The following USP1 variants were observed in gnomAD, a reference collection of about 807,000 sequenced individuals.
USP1 encodes ubiquitin specific peptidase 1, also known as ubiquitin carboxyl-terminal hydrolase 1.
In USP1, 18 loss-of-function variants were observed where a neutral mutation model predicts 72.2. That is an observed-to-expected ratio of 0.25 (90% confidence interval 0.17 to 0.37). USP1 has a LOEUF of 0.37. Among genes scored for constraint, USP1 ranks in the 10% least tolerant of loss-of-function variants. USP1 has a pLI of 1.00. For synonymous variants in USP1, 354 were observed against 303.7 expected (o/e 1.17, Z -1.72); for missense variants, 759 against 884.9 (o/e 0.86, Z 1.81).
In USP1 at chr1:62,450,602, A is replaced by G; in HGVS notation, c.1979A>G (p.Lys660Arg). ...GNTQPSKVLN[K>R]KNVEAIGLLG... ...ACACAGCCAAGTAAAGTTTTGAACAAAAAAAATGTAGAAGCTATTGGACTT... is the reference window on the plus strand; with the variant it reads ...ACACAGCCAAGTAAAGTTTTGAACAGAAAAAATGTAGAAGCTATTGGACTT... Residue 660 changes from lysine (K) to arginine (R), a missense_variant, in exon 9 of 9, where the codon AAA becomes AGA. Coordinates refer to ENST00000339950, the MANE Select transcript of USP1 (RefSeq NM_003368.5). 6.2e-7 allele frequency: 1 copy of G among 1,614,024 alleles called. No homozygotes were observed. Among genetic ancestry groups the G allele is most frequent in the Non-Finnish European group, 8.5e-7 (1 of 1,180,008 alleles).
intron 6 of USP1, among the ~76,000 whole-genome samples, chr1:62,446,539 A>AC (rs1423583707): frequency 6.6e-6 from 1 of 152,216 alleles, no homozygotes; most frequent in African/African-American, 2.4e-5. Context: ...AGATATGTAA[A>AC]CATAGGTACA....
chr1:62,438,377 G>T (rs1645107355), intron 1 of USP1, among the ~76,000 whole-genome samples: 1 of 152,140 alleles, frequency 6.6e-6, no homozygotes, highest in Non-Finnish European at 1.5e-5. Flanking sequence ...TAGGTAGACA[G>T]GAGAGTAAGT....
Position 62,451,109 on chromosome 1 carries a change from A to G in USP1, c.*128A>G, listed in dbSNP as rs1645213934. ...ATATTATTGGTCTCTCTAGGTTTTT[A>G]TATAAATAGTGAAATTTGAATTACT... On this transcript the variant is annotated 3_prime_UTR_variant, in exon 9 of 9. Transcript: ENST00000339950. 4.2e-6 allele frequency: 4 copies of G among 957,742 alleles called. No homozygotes were observed. The highest frequency in any genetic ancestry group is 7.1e-5 in the Admixed American group (2 of 28,024). The allele number at this position is 957,742 out of a possible 1,614,324, so 59.3% of individuals were successfully genotyped here.
At chr1:62,436,909 G>A (rs2149202803), upstream of USP1, 1 of 389,782 alleles carries the variant, frequency 2.6e-6, no homozygotes, top group Admixed American at 4.5e-5. Flanking sequence ...CGTGCCAGGG[G>A]CGAGTGGCCG....
Position 62,444,882 on chromosome 1 carries a change from A to G in USP1, c.702A>G (p.Glu234=). The part of the protein sequence containing the change: ...KNVAELPTKV[E]EIPHPKEEMN... ...TGGCAGAATTACCTACTAAGGTAGA[A>G]GAAATACCTCATCCGAAAGAGGAAA... The change falls in exon 6 of 9, where the codon GAA becomes GAG. Residue 234 remains glutamate (E), a synonymous_variant. Transcript: ENST00000339950. 6.2e-7 allele frequency: 1 copy of G among 1,613,752 alleles called. No individual in the cohort carries two copies. Among genetic ancestry groups the G allele is most frequent in the South Asian group, 1.1e-5 (1 of 91,032 alleles).
At position 62,450,684 on chromosome 1, in the gene USP1, T is replaced by C. The variant is rs1300657287; in HGVS notation, c.2061T>C (p.Pro687=). 12 of 1,614,168 alleles carry C rather than the reference T, an allele frequency of 7.4e-6. No homozygotes were observed. The highest frequency in any genetic ancestry group is 1.0e-5 in the Non-Finnish European group (12 of 1,180,010). ...AGCTATACAACAAAGCCTCTAATCC[T>C]GATAAGGTTGCTAGTACAGCGTTTG... ...DYELYNKASN[P]DKVASTAFAE... is the part of the protein sequence containing the mutation. Residue 687 remains proline, a synonymous_variant, in exon 9 of 9, where the codon CCT becomes CCC. Transcript: ENST00000339950.
chr1:62,444,173 C>T lies in USP1; in HGVS notation c.558-565C>T, dbSNP rs1322187621. Among the ~76,000 whole-genome samples the T allele has an allele frequency of 2.7e-5, 4 of 149,184 alleles. No individual in the cohort carries two copies. In the East Asian group the frequency reaches 7.9e-4, roughly 30 times the overall value. The stretch of plus-strand genomic sequence containing the variant: ...ACTCGGGAGACTGAGGCAGGAGAAT[C>T]GCTTGAACCCGGGAGGCGGCGGTTG... On this transcript the variant is annotated intron_variant, in intron 5 of 8. Coordinates refer to ENST00000339950, the MANE Select transcript of USP1 (RefSeq NM_003368.5).
Position 62,447,445 on chromosome 1 carries a change from G to T in USP1, c.1354G>T (p.Asp452Tyr), listed in dbSNP as rs1442577492. The change falls in exon 7 of 9, where the codon GAT becomes TAT. Residue 452 changes from aspartate (D) to tyrosine (Y), a missense_variant. Physicochemically the swap from Asp to Tyr is radical, Grantham distance 160. Coordinates refer to ENST00000339950, the MANE Select transcript of USP1 (RefSeq NM_003368.5). ...TGAAAGTTTAACAGAAAGAAGAGAA[G>T]ATTTTCAAGACATCAGTGTGCCAGT... ...ECESLTERRE[D>Y]FQDISVPVQE... The T allele has an allele frequency of 6.2e-7, 1 of 1,614,108 alleles. No individual in the cohort carries two copies.
rs368843668 is a variant in USP1, at chr1:62,437,650, C to T, written c.-70+250C>T. On this transcript the variant is annotated intron_variant, in intron 1 of 8. Transcript: ENST00000339950. ...GGGCGCCCGGCGCGGGGGTGTGGGC[C>T]GAGGACGCCGCCGCCAGCCTCCCCC... Among the ~76,000 whole-genome samples the T allele has an allele frequency of 7.2e-5, 11 of 152,322 alleles. No individual in the cohort carries two copies. In the East Asian group the frequency reaches 1.6e-3, roughly 21 times the overall value.
Position 62,450,520 on chromosome 1 carries a change from A to AGGG in USP1, c.1899_1901dup (p.Gly634dup). On this transcript the variant is annotated inframe_insertion, in exon 9 of 9. Coordinates refer to ENST00000339950, the MANE Select transcript of USP1 (RefSeq NM_003368.5). ...AGAACCATTGAATGAGGAGGAAGCA[A>AGGG]GGGGTGTGGTTGAGAATTATAATGA... The AGGG allele has an allele frequency of 1.2e-6, 2 of 1,614,042 alleles. No homozygotes were observed. The highest frequency in any genetic ancestry group is 1.7e-6 in the Non-Finnish European group (2 of 1,180,024).
In USP1 at chr1:62,437,167, G is replaced by T; in HGVS notation, c.-303G>T. The T allele has an allele frequency of 2.5e-6, 1 of 399,020 alleles. No homozygotes were observed. The highest frequency in any genetic ancestry group is 4.4e-6 in the Non-Finnish European group (1 of 226,098). The allele number at this position is 399,020 out of a possible 1,614,324, so 24.7% of individuals were successfully genotyped here. A position where few individuals can be genotyped will look rare whatever the true frequency, so the allele number is the denominator to read the frequency against. ...GCTCTCCCGGGGCGGGCGCAGATGG[G>T]CGCCGCTCCCGGGATGTAGTTGGTG... On this transcript the variant is annotated 5_prime_UTR_variant, in exon 1 of 9. Transcript: ENST00000339950.
intron 2 of USP1, 66 bp downstream of exon 2, chr1:62,440,103 A>C (rs1191740827): frequency 1.5e-6 from 2 of 1,332,562 alleles, no homozygotes; most frequent in Admixed American, 2.9e-5. Context: ...TTGGTTGACA[A>C]CTCCAGTCTG....
Position 62,444,777 on chromosome 1 carries a change from T to C in USP1, c.597T>C (p.Asp199=), listed in dbSNP as rs1483887438. 9 of 1,609,204 alleles carry C rather than the reference T, an allele frequency of 5.6e-6. 1 individual carries two copies. In the South Asian group the frequency reaches 1.0e-4, roughly 18 times the overall value. ...NPMYEGYLQH[D]AQEVLQCILG... ...TGTATGAAGGATATCTACAGCATGA[T>C]GCACAGGAAGTATTACAATGTATTT... Residue 199 remains aspartate (D), a synonymous_variant, in exon 6 of 9, where the codon GAT becomes GAC. Coordinates refer to ENST00000339950, the MANE Select transcript of USP1 (RefSeq NM_003368.5).
rs1180582694 is a variant in USP1 at position 62,451,387 on chromosome 1, C to CA, written c.*407dup. 1 of 156,966 alleles carries CA rather than the reference C, an allele frequency of 6.4e-6. No individual in the cohort carries two copies. The highest frequency in any genetic ancestry group is 1.4e-5 in the Non-Finnish European group (1 of 71,222). 9.7% of individuals were successfully genotyped at this position (156,966 alleles called of 1,614,324 possible). On this transcript the variant is annotated 3_prime_UTR_variant, in exon 9 of 9. Transcript: ENST00000339950. ...GTTTTTCACCCAAGAAGCAGAATCT[C>CA]ATTCAGTACATTTAGTTTTATAAGA...
At chr1:62,438,417 C>T (rs1349315756) in intron 1 of USP1, among the ~76,000 whole-genome samples, 1 of 152,146 alleles carries the variant, frequency 6.6e-6, no homozygotes, top group Non-Finnish European at 1.5e-5. Context: ...AGAGATGGAT[C>T]AGCTTTCCAG....
chr1:62,445,357 G>C lies in USP1; in HGVS notation c.1177G>C (p.Gly393Arg). 1 of 1,607,476 alleles carries C rather than the reference G, an allele frequency of 6.2e-7. No individual in the cohort carries two copies. The highest frequency in any genetic ancestry group is 8.5e-7 in the Non-Finnish European group (1 of 1,178,098). ...GKCESDNTTN[G>R]CGLESPGNTV... ...GTGTGAAAGTGATAACACAACTAAT[G>C]GTTGTGGACTTGAATCTCCAGGAAA... The change falls in exon 6 of 9, where the codon GGT (glycine) becomes CGT (arginine). Residue 393 changes from glycine to arginine, a missense_variant. By Grantham distance (125) the Gly-to-Arg change is moderately radical. Transcript: ENST00000339950.
Position 62,450,661 on chromosome 1 carries a change from C to G in USP1, c.2038C>G (p.Leu680Val), listed in dbSNP as rs1181494536. ...GGQKSKADYELYNKASNPDKV... is the reference protein window; with the variant it reads ...GGQKSKADYEVYNKASNPDKV... ...ACAAAAGAGCAAAGCAGATTATGAG[C>G]TATACAACAAAGCCTCTAATCCTGA... The change falls in exon 9 of 9, where the codon CTA becomes GTA. Residue 680 changes from leucine to valine, a missense_variant. Transcript: ENST00000339950. 11 of 1,614,126 alleles carry G rather than the reference C, an allele frequency of 6.8e-6. 1 individual carries two copies. The highest frequency in any genetic ancestry group is 1.7e-4 in the Middle Eastern group (1 of 6,058).
At chr1:62,447,305 T>C (rs769602718) in intron 6 of USP1, 36 bp from the exon 7 acceptor site, 4 of 1,568,218 alleles carry the variant, frequency 2.6e-6, no homozygotes, top group Non-Finnish European at 3.5e-6. Context: ...GAGAAACTAA[T>C]CTGTATAGAC....
chr1:62,437,814 C>G (rs575548077), intron 1 of USP1, among the ~76,000 whole-genome samples: 25 of 152,220 alleles, frequency 1.6e-4, no homozygotes, highest in African/African-American at 5.8e-4. Context: ...CATTTTCTTT[C>G]ACTTACACTT....
Sources: gnomAD v4.1 joint callset for allele counts (sites outside exome capture counted in the v4.1 genomes callset) on GRCh38, gnomAD v4.1.1 for gene constraint, MANE v1.5 for transcripts, NCBI Gene and HGNC (gene_info 2026-07-23, HGNC 2026-07-21) for gene names.